The following NAPRT variants were observed in gnomAD, a reference collection of about 807,000 sequenced individuals.
NAPRT encodes nicotinate phosphoribosyltransferase.
In NAPRT, 66 loss-of-function variants were observed where a neutral mutation model predicts 60.7. The ratio of observed to expected loss-of-function variants is 1.09; its 90% CI spans 0.89 to 1.33. The LOEUF is 1.33. Among genes scored for constraint, NAPRT ranks in the 40% most tolerant of loss-of-function variants. NAPRT has a pLI of 0.00. For missense variants in NAPRT, 818 were observed against 731.5 expected (o/e 1.12, Z -1.36); for synonymous variants, 405 against 335.7 (o/e 1.21, Z -2.26).
chr8:143,576,481 G>A lies in NAPRT; in HGVS notation c.973C>T (p.Leu325=), dbSNP rs1824463814. The A allele has an allele frequency of 6.2e-7, 1 of 1,612,382 alleles. No individual in the cohort carries two copies. The highest frequency in any genetic ancestry group is 1.7e-5 in the Admixed American group (1 of 59,970). ...TTGCGGATCTCCTGAGCCTGCTGTAGCAGGTCACCACTGTCCAGCCTCACG... is the reference window on the plus strand; with the variant it reads ...TTGCGGATCTCCTGAGCCTGCTGTAACAGGTCACCACTGTCCAGCCTCACG... ...VGVRLDSGDL[L]QQAQEIRKVF... Residue 325 remains leucine (L), a synonymous_variant, in exon 7 of 13, where the codon CTA becomes TTA. Transcript: ENST00000449291.
downstream of NAPRT, chr8:143,572,961 GC>G (rs1824157129): frequency 4.1e-6 from 2 of 487,496 alleles, no homozygotes; most frequent in South Asian, 7.2e-5. Context: ...ACCCACCAGG[GC>G]CCTGAGAACA....
intron 7 of NAPRT, 93 bp from the exon 8 acceptor site, chr8:143,576,255 G>A (rs1396808632): frequency 5.2e-5 from 73 of 1,402,510 alleles, no homozygotes; most frequent in Non-Finnish European, 6.9e-5. Flanking sequence ...CCTCAGTCAA[G>A]GACACCTGTG....
At chr8:143,572,922 T>C (rs1440430407), downstream of NAPRT, 6 of 546,428 alleles carry the variant, frequency 1.1e-5, no homozygotes, top group Non-Finnish European at 1.9e-5. Context: ...AGTGGCCACC[T>C]GCAGCCTGAG....
At position 143,575,028 on chromosome 8, in the gene NAPRT, G is replaced by A. The variant is rs1336371880; in HGVS notation, c.1512C>T (p.Leu504=). 6.6e-7 allele frequency: 1 copy of A among 1,512,214 alleles called. No individual in the cohort carries two copies. The highest frequency in any genetic ancestry group is 8.9e-7 in the Non-Finnish European group (1 of 1,125,648). The allele number at this position is 1,512,214 out of a possible 1,614,324, so 93.7% of individuals were successfully genotyped here. ...RALAQLSLSR[L]SPEHRRLRSP... The stretch of plus-strand genomic sequence containing the variant: ...TCCGCAGCCGCCTGTGCTCAGGGCT[G>A]AGTCGGCTCAGGGACAGCTGGGCCA... The change falls in exon 12 of 13, where the codon CTC becomes CTT. Residue 504 remains leucine (L), a synonymous_variant. Coordinates refer to ENST00000449291, the MANE Select transcript of NAPRT (RefSeq NM_145201.6).
rs779967488 is a variant in NAPRT at position 143,575,532 on chromosome 8, G to A, written c.1189-7C>T. 3 of 1,598,906 alleles carry A rather than the reference G, an allele frequency of 1.9e-6. No individual in the cohort carries two copies. The highest frequency in any genetic ancestry group is 2.6e-6 in the Non-Finnish European group (3 of 1,168,634). On this transcript the variant is annotated splice_polypyrimidine_tract_variant and splice_region_variant and intron_variant, in intron 9 of 12. Coordinates refer to ENST00000449291, the MANE Select transcript of NAPRT (RefSeq NM_145201.6). ...GGCCCCCCACGGCCACCAGCTGCAG[G>A]AAGAGGGCGTTGAGCTGGCTGGTCC...
rs538091257 is a variant in NAPRT, at chr8:143,577,069, G to A, written c.677C>T (p.Pro226Leu). 5.7e-5 allele frequency: 92 copies of A among 1,612,562 alleles called. 2 individuals carry two copies. In the South Asian group the frequency reaches 9.4e-4, roughly 17 times the overall value. ...VTSFSGSEVPPDPMLAPAAGE... is the reference protein window; with the variant it reads ...VTSFSGSEVPLDPMLAPAAGE... ...TTTAGAGGAGGGACTGACCGGGTCA[G>A]GGGGCACCTCGCTGCCTGAAAAGGA... Residue 226 changes from proline (P) to leucine (L), a missense_variant, in exon 5 of 13, where the codon CCT (proline) becomes CTT (leucine). Pro to Leu is a moderately conservative substitution (Grantham distance 98). Transcript: ENST00000449291.
intron 7 of NAPRT, 96 bp downstream of exon 7, chr8:143,576,336 G>A (rs1484887000): frequency 1.9e-5 from 28 of 1,493,536 alleles, no homozygotes; most frequent in East Asian, 4.6e-5. Flanking sequence ...CAGTATCACC[G>A]CTGAAACTTC....
Position 143,577,872 on chromosome 8 carries a change from C to T in NAPRT, c.298G>A (p.Asp100Asn), listed in dbSNP as rs756192117. ...GCTCGCACCGTCACCTCGGAGCAGTCGAGGGCCCGAAGGTGCTCGAAGAAC... is the reference window on the plus strand; with the variant it reads ...GCTCGCACCGTCACCTCGGAGCAGTTGAGGGCCCGAAGGTGCTCGAAGAAC... ...PAFFEHLRAL[D>N]CSEVTVRALP... The change falls in exon 2 of 13, where the codon GAC becomes AAC. Residue 100 changes from aspartate (D) to asparagine (N), a missense_variant. Transcript: ENST00000449291. The T allele has an allele frequency of 6.8e-6, 11 of 1,612,134 alleles. No homozygotes were observed. Among genetic ancestry groups the T allele is most frequent in the Admixed American group, 6.7e-5 (4 of 59,960 alleles).
chr8:143,577,246 C>G (rs1329710617), intron 4 of NAPRT, 23 bp downstream of exon 4: 1 of 1,606,842 alleles, frequency 6.2e-7, no homozygotes. Flanking sequence ...CGGCCCTTGC[C>G]TTGCCCCGCA....
Position 143,576,730 on chromosome 8 carries a change from G to A in NAPRT, c.797C>T (p.Pro266Leu). The A allele has an allele frequency of 6.2e-7, 1 of 1,608,788 alleles. No homozygotes were observed. Among genetic ancestry groups the A allele is most frequent in the Non-Finnish European group, 8.5e-7 (1 of 1,178,988 alleles). The change falls in exon 6 of 13, where the codon CCA becomes CTA. Residue 266 changes from proline to leucine, a missense_variant. By Grantham distance (98) the Pro-to-Leu change is moderately conservative. Transcript: ENST00000449291. ...GGCCACAAAGGCTGCCCGCTCGCCT[G>A]GATGCGGCTCCTGCACCCCCAGCCC... ...HLGLGVQEPH[P>L]GERAAFVAYA...
chr8:143,574,748 C>T, downstream of NAPRT: 2 of 1,496,610 alleles, frequency 1.3e-6, no homozygotes, highest in African/African-American at 1.4e-5. Flanking sequence ...AGCCCGTGGG[C>T]TGGGTGAACA....
Position 143,578,254 on chromosome 8 carries a change from T to C in NAPRT, c.65A>G (p.Gln22Arg). 2.7e-6 allele frequency: 4 copies of C among 1,484,098 alleles called. No individual in the cohort carries two copies. The highest frequency in any genetic ancestry group is 3.6e-6 in the Non-Finnish European group (4 of 1,123,146). The allele number at this position is 1,484,098 out of a possible 1,614,324, so 91.9% of individuals were successfully genotyped here. Reference protein sequence around the residue: ...AARPLLTDLYQATMALGYWRA... With the variant: ...AARPLLTDLYRATMALGYWRA... ...CCAATAGCCCAACGCCATGGTGGCC[T>C]GGTAGAGGTCAGTGAGCAGCGGCCG... The change falls in exon 1 of 13, where the codon CAG becomes CGG. Residue 22 changes from glutamine to arginine, a missense_variant. Gln to Arg is a conservative substitution (Grantham distance 43). Coordinates refer to ENST00000449291, the MANE Select transcript of NAPRT (RefSeq NM_145201.6).
At chr8:143,575,843 G>GTGCCCTAGGTGGGGAAGGAGGTGGCAC (rs1824414466) in intron 8 of NAPRT, 141 bp from the exon 9 acceptor site, 1 of 428,262 alleles carries the variant, frequency 2.3e-6, no homozygotes, top group South Asian at 2.9e-5. Flanking sequence ...GGAGGTGCCA[G>GTGCCCTAGGTGGGGAAGGAGGTGGCAC]TGCCCTAGGT....
chr8:143,574,070 T>C (rs559604157), downstream of NAPRT, among the ~76,000 whole-genome samples: 8 of 152,318 alleles, frequency 5.3e-5, no homozygotes, highest in South Asian at 1.7e-3. Flanking sequence ...CCCCAAGCAG[T>C]TCCTCTTGAA....
At position 143,577,105 on chromosome 8, in the gene NAPRT, G is replaced by T. The variant is rs747670927; in HGVS notation, c.641C>A (p.Ser214Tyr). Reference sequence around the variant, plus strand: ...GCTGCCTGAAAAGGAAGTGACGAAGGAGTGGGCCAGGGTCCCGGCCACCGG... The same window carrying T: ...GCTGCCTGAAAAGGAAGTGACGAAGTAGTGGGCCAGGGTCCCGGCCACCGG... ...GVPVAGTLAHSFVTSFSGSEV... is the reference protein window; with the variant it reads ...GVPVAGTLAHYFVTSFSGSEV... The change falls in exon 5 of 13, where the codon TCC (serine) becomes TAC (tyrosine). Residue 214 changes from serine (S) to tyrosine (Y), a missense_variant. By Grantham distance (144) the Ser-to-Tyr change is moderately radical. Coordinates refer to ENST00000449291, the MANE Select transcript of NAPRT (RefSeq NM_145201.6). The T allele has an allele frequency of 6.2e-6, 10 of 1,612,898 alleles. No homozygotes were observed. Among genetic ancestry groups the T allele is most frequent in the African/African-American group, 1.3e-5 (1 of 74,926 alleles).
Position 143,576,069 on chromosome 8 carries a change from C to A in NAPRT, c.1107+9G>T. The stretch of plus-strand genomic sequence containing the variant: ...AGCCACCCTCCGCCTACCCACTCAT[C>A]CACCCCACCTCCTGGGCCAGTCGGG... On this transcript the variant is annotated intron_variant, in intron 8 of 12. Transcript: ENST00000449291. The A allele has an allele frequency of 6.3e-7, 1 of 1,576,362 alleles. No homozygotes were observed. Among genetic ancestry groups the A allele is most frequent in the Non-Finnish European group, 8.6e-7 (1 of 1,157,976 alleles).
At chr8:143,577,459 G>T in intron 3 of NAPRT, 60 bp from the exon 4 acceptor site, 1 of 1,544,642 alleles carries the variant, frequency 6.5e-7, no homozygotes, top group Non-Finnish European at 8.8e-7. Context: ...ACCCAAGACG[G>T]CGGTTACCTG....
intron 8 of NAPRT, 105 bp downstream of exon 8, chr8:143,575,973 G>A: frequency 1.1e-6 from 1 of 933,080 alleles, no homozygotes; most frequent in South Asian, 1.7e-5. Flanking sequence ...GAAGGGGGTG[G>A]CAGTGCCCTG....
chr8:143,573,710 G>A (rs1824217160), downstream of NAPRT: 1 of 138,606 alleles, frequency 7.2e-6, no homozygotes, highest in African/African-American at 2.7e-5. Context: ...CACTCTGGCT[G>A]GGCCCCTCGG....
Sources: allele counts gnomAD v4.1 joint callset (sites outside exome capture counted in the v4.1 genomes callset), GRCh38; gene constraint gnomAD v4.1.1; transcripts MANE v1.5; gene names NCBI Gene and HGNC (gene_info 2026-07-23, HGNC 2026-07-21).